FNDC3A: variants seen among roughly 807,000 people sequenced by gnomAD.
FNDC3A encodes the protein fibronectin type III domain containing 3A.
In FNDC3A, 32 loss-of-function variants were observed where a neutral mutation model predicts 148.9. That is an observed-to-expected ratio of 0.21 (90% CI 0.16 to 0.29). The LOEUF (loss-of-function observed/expected upper bound fraction) is 0.29. FNDC3A is among the 10% of genes least tolerant of loss of function. The probability of loss-of-function intolerance (pLI) is 1.00; values close to 1 mark genes in which losing one functional copy is unlikely to be tolerated. For missense variants in FNDC3A, 1,191 were observed against 1,452.8 expected, an observed-to-expected ratio of 0.82 and a Z score of 2.93; for synonymous variants, 472 against 473.6, an observed-to-expected ratio of 1.00 and a Z score of 0.04.
intron 3 of FNDC3A, among the ~76,000 whole-genome samples, chr13:49,092,862 C>CT (rs914384154): frequency 1.3e-5 from 2 of 150,394 alleles, no homozygotes; most frequent in African/African-American, 2.4e-5. Flanking sequence ...TGTTATTTGT[C>CT]TTTTTTTTCT....
chr13:49,002,963 A>T (rs1301671807), intron 1 of FNDC3A, among the ~76,000 whole-genome samples: 2 of 152,190 alleles, frequency 1.3e-5, no homozygotes, highest in African/African-American at 4.8e-5. Flanking sequence ...AGATAATGTC[A>T]AACTTTTCCT....
intron 2 of FNDC3A, among the ~76,000 whole-genome samples, chr13:49,017,215 C>A (rs1014583910): frequency 1.1e-4 from 16 of 152,048 alleles, no homozygotes; most frequent in Non-Finnish European, 1.9e-4. Flanking sequence ...TAAAGTCTCC[C>A]ATTATTAATG....
intron 1 of FNDC3A, among the ~76,000 whole-genome samples, chr13:48,997,600 C>T (rs1023255000): frequency 6.6e-6 from 1 of 152,114 alleles, no homozygotes; most frequent in Non-Finnish European, 1.5e-5. Context: ...CTTGCATGCT[C>T]TCTGCCTTGA....
At chr13:49,129,770 GT>G (rs1233643839) in intron 4 of FNDC3A, among the ~76,000 whole-genome samples, 1 of 152,164 alleles carries the variant, frequency 6.6e-6, no homozygotes, top group Non-Finnish European at 1.5e-5. Flanking sequence ...CTAGTCCCCT[GT>G]TAGAAGAGTC....
At chr13:49,142,252 C>T (rs1253789862) in intron 7 of FNDC3A, among the ~76,000 whole-genome samples, 3 of 152,136 alleles carry the variant, frequency 2.0e-5, no homozygotes, top group African/African-American at 7.2e-5. Flanking sequence ...TCTTAATCTG[C>T]TTGTCTATAC....
At chr13:48,999,363 G>C (rs570493528) in intron 1 of FNDC3A, among the ~76,000 whole-genome samples, 1 of 152,320 alleles carries the variant, frequency 6.6e-6, no homozygotes, top group South Asian at 2.1e-4. Context: ...ACCTTTTGGA[G>C]TGGGAATGTC....
intron 8 of FNDC3A, among the ~76,000 whole-genome samples, chr13:49,161,729 G>A (rs891971164): frequency 1.3e-5 from 2 of 152,170 alleles, no homozygotes; most frequent in Non-Finnish European, 2.9e-5. Context: ...GGCATGTTTT[G>A]CAGTGGCTGG....
chr13:49,050,521 C>A (rs951416811), intron 2 of FNDC3A, among the ~76,000 whole-genome samples: 1 of 152,080 alleles, frequency 6.6e-6, no homozygotes, highest in African/African-American at 2.4e-5. Context: ...GGTATAATTT[C>A]GATTTTCTTA....
chr13:49,011,352 G>C (rs1952340647), intron 2 of FNDC3A, among the ~76,000 whole-genome samples: 1 of 152,020 alleles, frequency 6.6e-6, no homozygotes, highest in South Asian at 2.1e-4. Context: ...TCCTGCCTCA[G>C]CCTCCCAAGT....
chr13:49,009,447 A>T (rs1199174985), intron 2 of FNDC3A, among the ~76,000 whole-genome samples: 1 of 152,222 alleles, frequency 6.6e-6, no homozygotes, highest in Admixed American at 6.5e-5. Flanking sequence ...TTTTGAGTGT[A>T]CATAAGTTTT....
At chr13:49,069,219 A>G (rs1877480103) in intron 2 of FNDC3A, among the ~76,000 whole-genome samples, 1 of 152,260 alleles carries the variant, frequency 6.6e-6, no homozygotes, top group South Asian at 2.1e-4. Flanking sequence ...AACAAAGGAA[A>G]TGATGAAAGT....
intron 2 of FNDC3A, among the ~76,000 whole-genome samples, chr13:49,016,745 A>G (rs1872815894): frequency 6.6e-6 from 1 of 152,074 alleles, no homozygotes; most frequent in African/African-American, 2.4e-5. Flanking sequence ...ATTTAGTGCT[A>G]TAAATTTCCC....
In FNDC3A at chr13:49,124,849, A is replaced by G. The variant is rs1881592351; in HGVS notation, c.253-6288A>G. 1.3e-5 allele frequency among the ~76,000 whole-genome samples: 2 copies of G among 152,196 alleles called. 1 individual carries two copies. The highest frequency in any genetic ancestry group is 4.1e-4 in the South Asian group (2 of 4,828). On this transcript the variant is annotated intron_variant, in intron 4 of 25. Transcript: ENST00000492622. ...CAAATAGTACTAACTTAGAGTCCCT[A>G]AGAGCATTGTATTGCAGGACAGGAT...
At chr13:48,989,723 A>G (rs1268462591) in intron 1 of FNDC3A, among the ~76,000 whole-genome samples, 8 of 152,164 alleles carry the variant, frequency 5.3e-5, no homozygotes, top group Admixed American at 5.2e-4. Flanking sequence ...ACTCTGCTAA[A>G]ACACATCATA....
chr13:49,048,566 T>C (rs774817268), intron 2 of FNDC3A, among the ~76,000 whole-genome samples: 8 of 152,170 alleles, frequency 5.3e-5, no homozygotes, highest in South Asian at 2.1e-4. Flanking sequence ...AAGTGTTTTA[T>C]ATTTTTGCAG....
chr13:49,182,023 C>T (rs1885332466), intron 14 of FNDC3A, among the ~76,000 whole-genome samples: 1 of 152,094 alleles, frequency 6.6e-6, no homozygotes, highest in Non-Finnish European at 1.5e-5. Context: ...ACACCATCAC[C>T]CAGGCTGGAG....
chr13:49,075,340 G>C lies in FNDC3A; in HGVS notation c.151G>C (p.Asp51His). ...AGAAGCATTTACAATAAGAAGAGAA[G>C]ATGGACAGTTTCAGTGCATTACAGG... ...PGEAFTIRREDGQFQCITGPA... is the reference protein window; with the variant it reads ...PGEAFTIRREHGQFQCITGPA... The change falls in exon 3 of 26, where the codon GAT (aspartate) becomes CAT (histidine). Residue 51 changes from aspartate to histidine, a missense_variant. By Grantham distance (81) the Asp-to-His change is moderately conservative. Around this residue, in one of 3 missense-constraint regions of FNDC3A, gnomAD observed 426 missense variants for 473.2 expected, o/e 0.90. Coordinates refer to ENST00000492622, the MANE Select transcript of FNDC3A (RefSeq NM_001079673.2). 3.1e-6 allele frequency: 5 copies of C among 1,603,626 alleles called. No homozygotes were observed. Among genetic ancestry groups the C allele is most frequent in the Non-Finnish European group, 4.3e-6 (5 of 1,171,106 alleles).
chr13:49,037,041 G>A (rs1465811215), intron 2 of FNDC3A, among the ~76,000 whole-genome samples: 2 of 152,202 alleles, frequency 1.3e-5, no homozygotes, highest in Admixed American at 6.5e-5. Flanking sequence ...TAAAGAGTAT[G>A]CAGATCCTGG....
chr13:49,206,434 C>CA (rs933509403), intron 25 of FNDC3A, among the ~76,000 whole-genome samples: 89 of 148,934 alleles, frequency 6.0e-4, no homozygotes, highest in East Asian at 1.8e-3. Flanking sequence ...TGATTTTTCA[C>CA]AAAAAAAAAA....
Sources: gnomAD v4.1 joint callset for allele counts (sites outside exome capture counted in the v4.1 genomes callset) on GRCh38, gnomAD v4.1.1 for gene constraint, gnomAD v4.1.1 regional missense constraint, MANE v1.5 for transcripts, NCBI Gene and HGNC (gene_info 2026-07-23, HGNC 2026-07-21) for gene names.